ATP8A1: variants seen among roughly 807,000 people sequenced by gnomAD.
ATP8A1 encodes ATPase phospholipid transporting 8A1.
A neutral mutation model predicts 177.7 loss-of-function variants in ATP8A1; 90 were observed. The ratio of observed to expected loss-of-function variants is 0.51; its 90% CI spans 0.43 to 0.60. ATP8A1 has a LOEUF of 0.60. Ranked by LOEUF, ATP8A1 falls within the 20% of genes least tolerant of loss-of-function variation. The probability of loss-of-function intolerance (pLI) is 0.00; values close to 1 mark genes in which losing one functional copy is unlikely to be tolerated. For synonymous variants in ATP8A1, 493 were observed against 485.9 expected, an observed-to-expected ratio of 1.01 and a Z score of -0.19; for missense variants, 1,072 against 1,392.8, an observed-to-expected ratio of 0.77 and a Z score of 3.67.
chr4:42,591,606 G>A (rs1734187036), intron 6 of ATP8A1, among the ~76,000 whole-genome samples: 1 of 152,060 alleles, frequency 6.6e-6, no homozygotes, highest in Admixed American at 6.5e-5. Context: ...TTTTCAGAGA[G>A]GGTATGAAAT....
rs372291630 is a variant in ATP8A1, at chr4:42,551,218, C to T, written c.1582G>A (p.Asp528Asn). ...CTTACTGAATCTATAATCACCGAGT[C>T]GGGTGTTCTTCCAGTGAAAACAAAA... ...LNFVFTGRTP[D>N]SVIIDSLGQE... Residue 528 changes from aspartate to asparagine, a missense_variant, in exon 18 of 37, where the codon GAC becomes AAC. By Grantham distance (23) the Asp-to-Asn change is conservative. Transcript: ENST00000381668. 2.1e-5 allele frequency: 34 copies of T among 1,613,328 alleles called. No individual in the cohort carries two copies. Among genetic ancestry groups the T allele is most frequent in the Non-Finnish European group, 2.6e-5 (31 of 1,179,574 alleles).
intron 5 of ATP8A1, 43 bp downstream of exon 5, chr4:42,615,990 G>T: frequency 6.5e-7 from 1 of 1,546,446 alleles, no homozygotes; most frequent in Non-Finnish European, 8.9e-7. Flanking sequence ...TATACTACAA[G>T]TAGGTTTGAC....
Position 42,443,621 on chromosome 4 carries a change from CA to C in ATP8A1, c.3066del (p.Phe1022LeufsTer82). ...GCAGGCCACAGAGATGAGTAGATTC[CA>C]AAAAACACCACCCAGAGTGCGATGC... ...WGSIALWVVF[F>X]GIYSSLWPAI... On this transcript the variant is annotated frameshift_variant, in exon 33 of 37. Coordinates refer to ENST00000381668, the MANE Select transcript of ATP8A1 (RefSeq NM_006095.2). LOFTEE classifies it high-confidence loss of function. The C allele has an allele frequency of 3.2e-6, 5 of 1,572,286 alleles. No individual in the cohort carries two copies. Among genetic ancestry groups the C allele is most frequent in the African/African-American group, 1.4e-5 (1 of 74,042 alleles).
At chr4:42,578,775 C>T (rs1732726171) in intron 11 of ATP8A1, among the ~76,000 whole-genome samples, 2 of 151,954 alleles carry the variant, frequency 1.3e-5, no homozygotes, top group Non-Finnish European at 2.9e-5. Context: ...ACTTTAAAAG[C>T]AAACAAGACA....
At chr4:42,653,163 C>T (rs1741278436) in intron 1 of ATP8A1, among the ~76,000 whole-genome samples, 1 of 152,204 alleles carries the variant, frequency 6.6e-6, no homozygotes, top group African/African-American at 2.4e-5. Context: ...ACACCCTTCC[C>T]CCAGATCCCC....
intron 25 of ATP8A1, among the ~76,000 whole-genome samples, chr4:42,481,688 T>A (rs1721686284): frequency 6.6e-6 from 1 of 152,220 alleles, no homozygotes; most frequent in Admixed American, 6.5e-5. Flanking sequence ...CTTTTTTCCC[T>A]ACGTCTACCT....
intron 36 of ATP8A1, among the ~76,000 whole-genome samples, chr4:42,413,719 T>C (rs79916262): frequency 0.12 from 18,602 of 152,176 alleles, 1,207 homozygotes; most frequent in Middle Eastern, 0.18. Context: ...GAATTTTTTT[T>C]TCCCCCTTGA....
chr4:42,460,377 ATCT>A (rs1368149264), intron 27 of ATP8A1, among the ~76,000 whole-genome samples: 4 of 117,820 alleles, frequency 3.4e-5, no homozygotes, highest in East Asian at 3.1e-4. Context: ...AAATGGATGG[ATCT>A]TTTTTTTTTT....
At chr4:42,470,582 A>T (rs1244110046) in intron 25 of ATP8A1, among the ~76,000 whole-genome samples, 1 of 152,204 alleles carries the variant, frequency 6.6e-6, no homozygotes, top group Non-Finnish European at 1.5e-5. Context: ...TAACCTAAAA[A>T]ATTCTTACAT....
At chr4:42,493,365 A>G (rs1722921764) in intron 24 of ATP8A1, among the ~76,000 whole-genome samples, 1 of 152,204 alleles carries the variant, frequency 6.6e-6, no homozygotes, top group Non-Finnish European at 1.5e-5. Flanking sequence ...ATTTTGAAAA[A>G]AATTCCCTAA....
At position 42,639,640 on chromosome 4, in the gene ATP8A1, T is replaced by G. The variant is rs1029346009; in HGVS notation, c.50-12531A>C. On this transcript the variant is annotated intron_variant, in intron 1 of 36. Transcript: ENST00000381668. ...CTAGCCTATAGTAAATACATATATG[T>G]ATGTGTAGGTATATATAATTATTTT... Among the ~76,000 whole-genome samples, 5 of 152,338 alleles carry G rather than the reference T, an allele frequency of 3.3e-5. No individual in the cohort carries two copies. The South Asian group carries it at 8.3e-4, about 25-fold the overall frequency.
At chr4:42,509,587 G>A (rs372607705) in intron 22 of ATP8A1, among the ~76,000 whole-genome samples, 7 of 152,182 alleles carry the variant, frequency 4.6e-5, no homozygotes, top group South Asian at 2.1e-4. Context: ...TTGGCCAGGC[G>A]CGGTGGCTCA....
At position 42,653,578 on chromosome 4, in the gene ATP8A1, A is replaced by G. The variant is rs368946810; in HGVS notation, c.49+3247T>C. On this transcript the variant is annotated intron_variant, in intron 1 of 36. Transcript: ENST00000381668. ...TTTTGCAAAAGAGTCTATCTACCAT[A>G]CCTTTTCCTCCAAACCAGCCAACAC... 5.9e-5 allele frequency among the ~76,000 whole-genome samples: 9 copies of G among 152,252 alleles called. No individual in the cohort carries two copies. The South Asian group carries it at 1.2e-3, about 21-fold the overall frequency.
At chr4:42,618,525 A>T (rs1191383210) in intron 4 of ATP8A1, among the ~76,000 whole-genome samples, 1 of 152,196 alleles carries the variant, frequency 6.6e-6, no homozygotes, top group African/African-American at 2.4e-5. Flanking sequence ...ACATGGAAAC[A>T]CATGCCATCC....
chr4:42,473,824 T>TG (rs1188942780), intron 25 of ATP8A1, among the ~76,000 whole-genome samples: 1 of 150,812 alleles, frequency 6.6e-6, no homozygotes, highest in East Asian at 2.0e-4. Flanking sequence ...TTTTGTGTTT[T>TG]TTTTTTTTTT....
chr4:42,653,680 A>G (rs183972466), intron 1 of ATP8A1, among the ~76,000 whole-genome samples: 4 of 152,292 alleles, frequency 2.6e-5, no homozygotes, highest in African/African-American at 7.2e-5. Context: ...TGGCCCTGTT[A>G]GATATTATAT....
Position 42,412,889 on chromosome 4 carries a change from C to T in ATP8A1, c.*27G>A. 6.3e-7 allele frequency: 1 copy of T among 1,595,726 alleles called. No homozygotes were observed. The highest frequency in any genetic ancestry group is 2.2e-5 in the East Asian group (1 of 44,770). On this transcript the variant is annotated 3_prime_UTR_variant, in exon 37 of 37. Transcript: ENST00000381668. ...CTGGTAGCTCTCCTTAGAGAGGTAA[C>T]AGAGCCTGCCTTTCAGGCTCTCCCC... is the stretch of plus-strand genomic sequence containing the variant.
intron 12 of ATP8A1, among the ~76,000 whole-genome samples, chr4:42,577,549 G>C (rs1360338393): frequency 2.6e-5 from 4 of 151,978 alleles, no homozygotes; most frequent in African/African-American, 9.7e-5. Context: ...CAAAATAAAA[G>C]AAAAATTAAA....
At chr4:42,649,049 C>A (rs534884253) in intron 1 of ATP8A1, among the ~76,000 whole-genome samples, 9 of 152,188 alleles carry the variant, frequency 5.9e-5, no homozygotes, top group African/African-American at 2.2e-4. Context: ...AATCCCATTT[C>A]TAGGGACTTT....
Sources: gnomAD v4.1 joint callset for allele counts (sites outside exome capture counted in the v4.1 genomes callset) on GRCh38, gnomAD v4.1.1 for gene constraint, MANE v1.5 for transcripts, NCBI Gene and HGNC (gene_info 2026-07-23, HGNC 2026-07-21) for gene names.